PTCD1: variants seen among roughly 807,000 people sequenced by gnomAD.
PTCD1 encodes the protein pentatricopeptide repeat domain 1.
In PTCD1, 50 loss-of-function variants were observed where a neutral mutation model predicts 53.4. That is an observed-to-expected ratio of 0.94 (90% confidence interval 0.75 to 1.19). The LOEUF (loss-of-function observed/expected upper bound fraction) is 1.19. PTCD1 is among the 50% of genes most tolerant of loss of function. The probability of loss-of-function intolerance (pLI) is 0.00; values close to 1 mark genes in which losing one functional copy is unlikely to be tolerated. For synonymous variants in PTCD1, 413 were observed against 394.8 expected (o/e 1.05, Z -0.55); for missense variants, 918 against 904.8 (o/e 1.01, Z -0.19).
intron 3 of PTCD1, among the ~76,000 whole-genome samples, chr7:99,430,523 C>T (rs541890197): frequency 2.6e-5 from 4 of 152,328 alleles, no homozygotes; most frequent in Admixed American, 1.3e-4. Flanking sequence ...ATCCCAGCCC[C>T]GGTGCATTCA....
Position 99,417,139 on chromosome 7 carries a change from C to T in PTCD1, c.*2828G>A. The T allele has an allele frequency of 2.9e-6, 1 of 347,506 alleles. No homozygotes were observed. Among genetic ancestry groups the T allele is most frequent in the South Asian group, 2.4e-5 (1 of 41,390 alleles). The allele number at this position is 347,506 out of a possible 1,614,324, so 21.5% of individuals were successfully genotyped here. A position where few individuals can be genotyped will look rare whatever the true frequency, so the allele number is the denominator to read the frequency against. Reference sequence around the variant, plus strand: ...TGGCACGACCTCAGGTCACTACAACCTCCGCCTCCTGGGTTCAAGTGATTC... The same window carrying T: ...TGGCACGACCTCAGGTCACTACAACTTCCGCCTCCTGGGTTCAAGTGATTC... On this transcript the variant is annotated 3_prime_UTR_variant, in exon 8 of 8. Coordinates refer to ENST00000292478, the MANE Select transcript of PTCD1 (RefSeq NM_015545.4).
Position 99,425,316 on chromosome 7 carries a change from C to T in PTCD1, c.1216G>A (p.Val406Met). The change falls in exon 6 of 8, where the codon GTG becomes ATG. Residue 406 changes from valine to methionine, a missense_variant. By Grantham distance (21) the Val-to-Met change is conservative (BLOSUM62 1). Coordinates refer to ENST00000292478, the MANE Select transcript of PTCD1 (RefSeq NM_015545.4). ...LGPPEPPEAR[V>M]PGKAQPEVDT... Reference sequence around the variant, plus strand: ...ACCTCTGGTTGGGCCTTGCCGGGCACTCTGGCTTCCGGAGGCTCTGGAGGC... The same window carrying T: ...ACCTCTGGTTGGGCCTTGCCGGGCATTCTGGCTTCCGGAGGCTCTGGAGGC... 1 of 1,614,208 alleles carries T rather than the reference C, an allele frequency of 6.2e-7. No homozygotes were observed. The highest frequency in any genetic ancestry group is 8.5e-7 in the Non-Finnish European group (1 of 1,180,038).
At chr7:99,425,847 C>T (rs974479045) in intron 5 of PTCD1, among the ~76,000 whole-genome samples, 2 of 152,174 alleles carry the variant, frequency 1.3e-5, no homozygotes, top group African/African-American at 4.8e-5. Context: ...CAGGCAGACT[C>T]CTTGAGATCA....
chr7:99,433,545 C>A (rs774175230), intron 2 of PTCD1, 127 bp from the exon 3 acceptor site: 8 of 1,556,020 alleles, frequency 5.1e-6, no homozygotes, highest in African/African-American at 2.7e-5. Flanking sequence ...TGACTGCAAA[C>A]CCCCTGGGCC....
At chr7:99,425,701 G>C (rs1795987294) in intron 5 of PTCD1, 85 bp from the exon 6 acceptor site, 1 of 1,514,256 alleles carries the variant, frequency 6.6e-7, no homozygotes, top group African/African-American at 1.4e-5. Flanking sequence ...CAGCACCTTG[G>C]GAGTTTTAGA....
At position 99,429,277 on chromosome 7, in the gene PTCD1, C is replaced by T; in HGVS notation, c.814-73G>A. On this transcript the variant is annotated intron_variant, in intron 4 of 7. Coordinates refer to ENST00000292478, the MANE Select transcript of PTCD1 (RefSeq NM_015545.4). ...GGCATGGTAGCTCATGTCTGTAATC[C>T]TGGCACATTGGGAGGCCAAGGCAGG... The T allele has an allele frequency of 5.7e-6, 9 of 1,577,498 alleles. No homozygotes were observed. The South Asian group carries it at 7.8e-5, about 14-fold the overall frequency.
At position 99,417,379 on chromosome 7, in the gene PTCD1, G is replaced by A. The variant is rs1028420877; in HGVS notation, c.*2588C>T. 5.0e-6 allele frequency: 8 copies of A among 1,588,992 alleles called. No homozygotes were observed. Among genetic ancestry groups the A allele is most frequent in the Middle Eastern group, 1.7e-4 (1 of 6,008 alleles). ...GAATGCTTTTTTTGATCAAGGGTGG[G>A]GAAGGTTTTTAGACCATGGCCTGAT... On this transcript the variant is annotated 3_prime_UTR_variant, in exon 8 of 8. Coordinates refer to ENST00000292478, the MANE Select transcript of PTCD1 (RefSeq NM_015545.4).
Position 99,434,874 on chromosome 7 carries a change from T to A in PTCD1, c.369A>T (p.Glu123Asp), listed in dbSNP as rs1278713073. 3.7e-6 allele frequency: 6 copies of A among 1,614,102 alleles called. No homozygotes were observed. The Admixed American group carries it at 1.0e-4, about 27-fold the overall frequency. The change falls in exon 2 of 8, where the codon GAA becomes GAT. Residue 123 changes from glutamate to aspartate, a missense_variant. Coordinates refer to ENST00000292478, the MANE Select transcript of PTCD1 (RefSeq NM_015545.4). ...GGCCTCGCCATAATTTGGGCTCCGG[T>A]TCCATTTGCTCATCTCTCCGTTCCC... ...RFGERRDEQM[E>D]PEPKLWRGRR...
chr7:99,426,919 A>T (rs1310869208), intron 5 of PTCD1, among the ~76,000 whole-genome samples: 1 of 122,644 alleles, frequency 8.2e-6, no homozygotes, highest in South Asian at 2.8e-4. Flanking sequence ...CGTCTGAGAA[A>T]TGAGGAGACC....
rs1021890101 is a variant in PTCD1, at chr7:99,417,727, C to T, written c.*2240G>A. The T allele has an allele frequency of 2.6e-6, 4 of 1,537,132 alleles. No individual in the cohort carries two copies. In the Admixed American group the frequency reaches 5.9e-5, roughly 23 times the overall value. ...CCTGGATGTCCTGCTGGCTCTCCCT[C>T]GTGGGAGTGGGTCCCTGTATTCAGG... On this transcript the variant is annotated 3_prime_UTR_variant, in exon 8 of 8. Coordinates refer to ENST00000292478, the MANE Select transcript of PTCD1 (RefSeq NM_015545.4).
At position 99,417,983 on chromosome 7, in the gene PTCD1, C is replaced by G. The variant is rs1001362260; in HGVS notation, c.*1984G>C. ...TTACCATCACTATCTTTCCCGCCCCCCCAAGACGGAGTCTTGCTTTGTCGC... is the reference window on the plus strand; with the variant it reads ...TTACCATCACTATCTTTCCCGCCCCGCCAAGACGGAGTCTTGCTTTGTCGC... On this transcript the variant is annotated 3_prime_UTR_variant, in exon 8 of 8. Coordinates refer to ENST00000292478, the MANE Select transcript of PTCD1 (RefSeq NM_015545.4). 2 of 1,175,036 alleles carry G rather than the reference C, an allele frequency of 1.7e-6. No individual in the cohort carries two copies. The highest frequency in any genetic ancestry group is 2.1e-6 in the Non-Finnish European group (2 of 938,898). 72.8% of individuals were successfully genotyped at this position (1,175,036 alleles called of 1,614,324 possible).
At chr7:99,428,896 G>T (rs1206301684) in intron 5 of PTCD1, among the ~76,000 whole-genome samples, 2 of 152,048 alleles carry the variant, frequency 1.3e-5, no homozygotes, top group African/African-American at 2.4e-5. Context: ...AGGGTGGGAG[G>T]GGCGGGGGCC....
intron 3 of PTCD1, among the ~76,000 whole-genome samples, chr7:99,432,051 G>C (rs989248736): frequency 1.3e-5 from 2 of 152,236 alleles, no homozygotes; most frequent in African/African-American, 4.8e-5. Context: ...ATACACTGCG[G>C]AAGGCCGCAG....
chr7:99,420,541 A>G (rs925057818), intron 7 of PTCD1, among the ~76,000 whole-genome samples: 1 of 152,224 alleles, frequency 6.6e-6, no homozygotes, highest in African/African-American at 2.4e-5. Flanking sequence ...CACTGCCAAG[A>G]TAGGCTCCAT....
intron 7 of PTCD1, among the ~76,000 whole-genome samples, chr7:99,421,750 A>G (rs1490683789): frequency 2.0e-5 from 3 of 152,112 alleles, no homozygotes; most frequent in Non-Finnish European, 2.9e-5. Flanking sequence ...GTGAGACTCC[A>G]TCTCATAAAA....
chr7:99,417,736 G>A lies in PTCD1; in HGVS notation c.*2231C>T. ...CCTGCTGGCTCTCCCTCGTGGGAGT[G>A]GGTCCCTGTATTCAGGAATCCATGT... On this transcript the variant is annotated 3_prime_UTR_variant, in exon 8 of 8. Transcript: ENST00000292478. 1.3e-6 allele frequency: 2 copies of A among 1,535,896 alleles called. No individual in the cohort carries two copies. The highest frequency in any genetic ancestry group is 1.7e-6 in the Non-Finnish European group (2 of 1,146,658).
chr7:99,429,150 T>C lies in PTCD1; in HGVS notation c.868A>G (p.Met290Val). Residue 290 changes from methionine to valine, a missense_variant, in exon 5 of 8, where the codon ATG becomes GTG. Physicochemically the swap from Met to Val is conservative, Grantham distance 21 (BLOSUM62 1). Coordinates refer to ENST00000292478, the MANE Select transcript of PTCD1 (RefSeq NM_015545.4). ...VTEETFSFLL[M>V]GCIQDKKTGF... ...GTCTTCTTGTCTTGGATGCAGCCCA[T>C]GAGCAGGAAACTGAAGGTCTCCTCT... 2 of 1,614,098 alleles carry C rather than the reference T, an allele frequency of 1.2e-6. No individual in the cohort carries two copies. The highest frequency in any genetic ancestry group is 8.5e-7 in the Non-Finnish European group (1 of 1,179,994).
At chr7:99,425,838 A>G (rs2404324) in intron 5 of PTCD1, among the ~76,000 whole-genome samples, 58,461 of 152,100 alleles carry the variant, frequency 0.38, 17,522 homozygotes, top group African/African-American at 0.82. Flanking sequence ...AAGCTAAGGC[A>G]GGCAGACTCC....
chr7:99,420,272 A>G (rs1052033669), intron 7 of PTCD1, 123 bp from the exon 8 acceptor site: 1 of 1,377,300 alleles, frequency 7.3e-7, no homozygotes, highest in Non-Finnish European at 1.0e-6. Context: ...GTGGCTGCAG[A>G]GGACAGGGCA....
Sources: allele counts gnomAD v4.1 joint callset (sites outside exome capture counted in the v4.1 genomes callset), GRCh38; gene constraint gnomAD v4.1.1; transcripts MANE v1.5; gene names NCBI Gene and HGNC (gene_info 2026-07-23, HGNC 2026-07-21).